The following RPA1 variants were observed in gnomAD, a reference collection of about 807,000 sequenced individuals.
RPA1 encodes the protein replication protein A 70 kDa DNA-binding subunit.
A neutral mutation model predicts 83.0 loss-of-function variants in RPA1; 49 were observed. The ratio of observed to expected loss-of-function variants is 0.59; its 90% CI spans 0.47 to 0.75. The LOEUF is 0.75. Ranked by LOEUF, RPA1 falls within the 30% of genes least tolerant of loss-of-function variation. RPA1 has a pLI of 0.00. For synonymous variants in RPA1, 279 were observed against 281.8 expected (o/e 0.99, Z 0.10); for missense variants, 693 against 776.1 (o/e 0.89, Z 1.27).
At chr17:1,877,443 C>G (rs879179755) in intron 8 of RPA1, 129 bp downstream of exon 8, 5 of 727,304 alleles carry the variant, frequency 6.9e-6, no homozygotes, top group Non-Finnish European at 1.2e-5. Context: ...GTGGGCTCGC[C>G]GAGAAACAGA....
At chr17:1,872,915 G>T (rs1009816989) in intron 6 of RPA1, among the ~76,000 whole-genome samples, 1 of 152,028 alleles carries the variant, frequency 6.6e-6, no homozygotes, top group Non-Finnish European at 1.5e-5. Flanking sequence ...GCCTCAAGCA[G>T]TCCTCCGTCC....
intron 12 of RPA1, 117 bp downstream of exon 12, chr17:1,880,808 C>CT (rs1913764773): frequency 7.2e-7 from 1 of 1,392,214 alleles, no homozygotes; most frequent in African/African-American, 1.4e-5. Context: ...AGTGGTGCAG[C>CT]TTCCGTGTTT....
intron 13 of RPA1, 36 bp downstream of exon 13, chr17:1,883,980 G>A (rs1913902178): frequency 1.9e-6 from 3 of 1,611,850 alleles, no homozygotes; most frequent in Admixed American, 3.3e-5. Flanking sequence ...ACAAAGGGCT[G>A]TAAAGTGTGC....
At chr17:1,880,387 C>CT (rs1352227141) in intron 11 of RPA1, among the ~76,000 whole-genome samples, 156 bp from the exon 12 acceptor site, 2 of 152,178 alleles carry the variant, frequency 1.3e-5, no homozygotes, top group East Asian at 3.8e-4. Context: ...TGATGTGTCT[C>CT]TGAGTAGATT....
intron 1 of RPA1, among the ~76,000 whole-genome samples, chr17:1,835,294 G>A (rs934614509): frequency 3.9e-5 from 6 of 152,012 alleles, no homozygotes; most frequent in Middle Eastern, 3.2e-3. Context: ...GAGTACAGGT[G>A]CATGCCACCA....
chr17:1,863,288 T>A (rs937279537), intron 5 of RPA1, among the ~76,000 whole-genome samples: 50 of 152,008 alleles, frequency 3.3e-4, no homozygotes, highest in Admixed American at 7.2e-4. Flanking sequence ...CTCGGCTCAC[T>A]GCAACCTCCA....
At chr17:1,873,526 G>A (rs1284942146) in intron 6 of RPA1, among the ~76,000 whole-genome samples, 3 of 152,074 alleles carry the variant, frequency 2.0e-5, no homozygotes, top group African/African-American at 7.2e-5. Flanking sequence ...AGAAAAGCAA[G>A]GTTAAGATGT....
chr17:1,894,985 C>G, intron 15 of RPA1, 24 bp from the exon 16 acceptor site: 1 of 1,601,492 alleles, frequency 6.2e-7, no homozygotes, highest in Non-Finnish European at 8.5e-7. Flanking sequence ...TTCCATGTGT[C>G]AAGTTTTATG....
intron 14 of RPA1, 179 bp from the exon 15 acceptor site, chr17:1,891,654 A>G: frequency 4.9e-6 from 2 of 409,004 alleles, no homozygotes; most frequent in Non-Finnish European, 8.9e-6. Flanking sequence ...TCCTGGCCTC[A>G]AGTGTTCCAC....
At chr17:1,844,965 T>G (rs1224225931) in intron 4 of RPA1, among the ~76,000 whole-genome samples, 7 of 152,110 alleles carry the variant, frequency 4.6e-5, no homozygotes, top group African/African-American at 1.7e-4. Flanking sequence ...TTTTGTTTGT[T>G]TTTGGTAGAA....
At position 1,899,302 on chromosome 17, in the gene RPA1, C is replaced by T. The variant is rs990086639; in HGVS notation, c.*2127C>T. 6 of 101,436 alleles carry T rather than the reference C, an allele frequency of 5.9e-5. No individual in the cohort carries two copies. The highest frequency in any genetic ancestry group is 1.6e-4 in the African/African-American group (5 of 30,822). 6.3% of individuals were successfully genotyped at this position (101,436 alleles called of 1,614,324 possible). On this transcript the variant is annotated 3_prime_UTR_variant, in exon 17 of 17. Transcript: ENST00000254719. ...ATAGATTCTGGCCCACAGTTTACCT[C>T]GAAAGGCTGTTGATGTTGTTCTGTT...
chr17:1,851,210 T>C (rs989407638), intron 4 of RPA1, among the ~76,000 whole-genome samples: 1 of 152,174 alleles, frequency 6.6e-6, no homozygotes, highest in Non-Finnish European at 1.5e-5. Flanking sequence ...ATTTCACACC[T>C]AAAAAAATAC....
intron 1 of RPA1, among the ~76,000 whole-genome samples, chr17:1,836,779 A>G (rs1373452592): frequency 6.6e-6 from 1 of 151,288 alleles, no homozygotes; most frequent in Non-Finnish European, 1.5e-5. Context: ...CTCGCACCTC[A>G]GCCTCCTGAG....
rs564397995 is a variant in RPA1 at position 1,844,720 on chromosome 17, C to T, written c.272+34C>T. On this transcript the variant is annotated intron_variant, in intron 4 of 16. Coordinates refer to ENST00000254719, the MANE Select transcript of RPA1 (RefSeq NM_002945.5). ...TGTGTTTTTTTCTGTCTTATTGTATCGTAGAATGGGAACAAATTTAGGAAT... is the reference window on the plus strand; with the variant it reads ...TGTGTTTTTTTCTGTCTTATTGTATTGTAGAATGGGAACAAATTTAGGAAT... The T allele has an allele frequency of 3.4e-5, 51 of 1,510,004 alleles. 2 individuals are homozygous for T. In the South Asian group the frequency reaches 3.9e-4, roughly 11 times the overall value. The allele number at this position is 1,510,004 out of a possible 1,614,324, so 93.5% of individuals were successfully genotyped here. A position where few individuals can be genotyped will look rare whatever the true frequency, so the allele number is the denominator to read the frequency against.
At chr17:1,896,511 CAAT>C in intron 16 of RPA1, among the ~76,000 whole-genome samples, 1 of 141,066 alleles carries the variant, frequency 7.1e-6, no homozygotes, top group Non-Finnish European at 1.5e-5. Flanking sequence ...CACCGTGAAA[CAAT>C]GTCAGGGAGT....
intron 16 of RPA1, 110 bp from the exon 17 acceptor site, chr17:1,896,961 C>T (rs1280266594): frequency 8.3e-6 from 7 of 845,768 alleles, no homozygotes; most frequent in African/African-American, 5.0e-5. Flanking sequence ...ACTCTGAACC[C>T]GTGCGTCTGT....
intron 5 of RPA1, among the ~76,000 whole-genome samples, chr17:1,857,251 T>C (rs1912732591): frequency 8.1e-6 from 1 of 123,034 alleles, no homozygotes; most frequent in Non-Finnish European, 1.6e-5. Flanking sequence ...TTTTCTCTTT[T>C]TTTCTTTTTC....
chr17:1,882,475 T>G (rs1382277427), intron 12 of RPA1, among the ~76,000 whole-genome samples: 1 of 151,626 alleles, frequency 6.6e-6, no homozygotes, highest in Non-Finnish European at 1.5e-5. Context: ...GCCAACATGG[T>G]GAAACCTCGT....
At chr17:1,894,644 A>T (rs1914328604) in intron 15 of RPA1, among the ~76,000 whole-genome samples, 1 of 152,176 alleles carries the variant, frequency 6.6e-6, no homozygotes, top group Admixed American at 6.5e-5. Context: ...AAATAGGCAA[A>T]TTCATAGAGA....
Sources: allele counts gnomAD v4.1 joint callset (sites outside exome capture counted in the v4.1 genomes callset), GRCh38; gene constraint gnomAD v4.1.1; transcripts MANE v1.5; gene names NCBI Gene and HGNC (gene_info 2026-07-23, HGNC 2026-07-21).